EHMT1: variants seen among roughly 807,000 people sequenced by gnomAD.
EHMT1 encodes euchromatic histone lysine methyltransferase 1, also known as histone-lysine N-methyltransferase EHMT1.
EHMT1 carries 15 observed loss-of-function variants against 147.2 expected under a neutral mutation model. The observed-to-expected ratio is 0.10, with a 90% CI of 0.07 to 0.16. The LOEUF is 0.16. EHMT1 is among the 10% of genes least tolerant of loss of function. The pLI, the probability that EHMT1 is intolerant of heterozygous loss-of-function variation, is 1.00. For synonymous variants in EHMT1, 795 were observed against 709.6 expected (o/e 1.12, Z -1.91); for missense variants, 1,587 against 1,772.4 (o/e 0.90, Z 1.88).
At chr9:137,805,083 CAT>C (rs1436081414) in intron 18 of EHMT1, among the ~76,000 whole-genome samples, 4 of 151,588 alleles carry the variant, frequency 2.6e-5, no homozygotes, top group Non-Finnish European at 5.9e-5. Context: ...CAGTCGTCCA[CAT>C]GTGAGAGTCT....
intron 1 of EHMT1, among the ~76,000 whole-genome samples, chr9:137,681,143 T>C (rs562759360): frequency 6.6e-4 from 100 of 152,234 alleles, no homozygotes; most frequent in African/African-American, 2.3e-3. Flanking sequence ...TCCCAGCACA[T>C]TGGAAAGTTT....
chr9:137,753,598 T>C (rs1949146979), intron 7 of EHMT1, among the ~76,000 whole-genome samples: 1 of 152,212 alleles, frequency 6.6e-6, no homozygotes, highest in South Asian at 2.1e-4. Context: ...CCCCGCCCAC[T>C]GTGGCCTGCA....
rs139207303 is a variant in EHMT1, at chr9:137,796,760, C to T, written c.2506-2053C>T. Among the ~76,000 whole-genome samples, 248 of 139,438 alleles carry T rather than the reference C, an allele frequency of 1.8e-3. 2 individuals are homozygous for T. The highest frequency in any genetic ancestry group is 5.9e-3 in the African/African-American group (222 of 37,312). 91.5% of individuals were successfully genotyped at this position (139,438 alleles called of 152,430 possible). On this transcript the variant is annotated intron_variant, in intron 16 of 26. Coordinates refer to ENST00000460843, the MANE Select transcript of EHMT1 (RefSeq NM_024757.5). ...CAGAAAAATAGGCAAAGAACATAAA[C>T]GTGCAGTTCCCAGAAAAAGAAATAC...
chr9:137,625,841 T>C (rs1843217914), intron 1 of EHMT1, among the ~76,000 whole-genome samples: 1 of 151,646 alleles, frequency 6.6e-6, no homozygotes, highest in Non-Finnish European at 1.5e-5. Context: ...TATATATATA[T>C]TTTTTGTTTT....
chr9:137,772,306 A>G (rs1047729924), intron 10 of EHMT1, among the ~76,000 whole-genome samples: 1 of 152,198 alleles, frequency 6.6e-6, no homozygotes, highest in African/African-American at 2.4e-5. Context: ...ACATGGGGAT[A>G]CATTTTACGT....
Position 137,800,885 on chromosome 9 carries a change from C to T in EHMT1, c.2613C>T (p.Asp871=), listed in dbSNP as rs755544597. ...TTTGTCCTCTTCCCTGGCAGGATGA[C>T]GGAGGCTGGACACCCATGATCTGGG... is the stretch of plus-strand genomic sequence containing the variant. ...NGQMDVNCQD[D]GGWTPMIWAT... The change falls in exon 18 of 27, where the codon GAC becomes GAT. Residue 871 remains aspartate (D), a synonymous_variant. Transcript: ENST00000460843. The T allele has an allele frequency of 3.7e-5, 59 of 1,613,902 alleles. 1 individual carries two copies. Among genetic ancestry groups the T allele is most frequent in the Admixed American group, 3.2e-4 (19 of 59,988 alleles).
intron 10 of EHMT1, among the ~76,000 whole-genome samples, chr9:137,764,952 A>C (rs10867062): frequency 0.33 from 50,371 of 152,164 alleles, 8,626 homozygotes; most frequent in Admixed American, 0.43. Context: ...GTTAGATTCA[A>C]AGACTTGGTT....
rs868575387 is a variant in EHMT1, at chr9:137,706,517, C to T, written c.22-4450C>T. Among the ~76,000 whole-genome samples the T allele has an allele frequency of 6.6e-5, 10 of 152,340 alleles. No homozygotes were observed. The Middle Eastern group carries it at 0.01, about 155-fold the overall frequency. ...CTTATTTATTTTTGAGACGGAGTCT[C>T]GCTCTGTTGCCCAGGCTAGAGAGCA... On this transcript the variant is annotated intron_variant, in intron 1 of 26. Transcript: ENST00000460843.
intron 2 of EHMT1, among the ~76,000 whole-genome samples, chr9:137,713,461 C>T (rs1382338176): frequency 6.6e-6 from 1 of 151,060 alleles, no homozygotes; most frequent in Non-Finnish European, 1.5e-5. Flanking sequence ...TTAGTAGAGA[C>T]GGGGTTTCAC....
chr9:137,751,066 C>T (rs532128487), intron 6 of EHMT1, among the ~76,000 whole-genome samples: 18 of 152,218 alleles, frequency 1.2e-4, no homozygotes, highest in African/African-American at 3.6e-4. Flanking sequence ...TTTGCAGGGT[C>T]GGTTTTAGAG....
At chr9:137,704,281 G>T (rs1401098804) in intron 1 of EHMT1, among the ~76,000 whole-genome samples, 1 of 152,178 alleles carries the variant, frequency 6.6e-6, no homozygotes, top group Non-Finnish European at 1.5e-5. Context: ...CCTCAGCTCT[G>T]CAGCCTGTAG....
At chr9:137,793,663 C>T (rs570479693) in intron 16 of EHMT1, among the ~76,000 whole-genome samples, 222 of 152,330 alleles carry the variant, frequency 1.5e-3, no homozygotes, top group African/African-American at 5.1e-3. Context: ...CAGATGCCTG[C>T]GTCAGCACAT....
intron 18 of EHMT1, chr9:137,803,059 CG>C: frequency 6.5e-6 from 8 of 1,230,194 alleles, no homozygotes; most frequent in Non-Finnish European, 8.1e-6. Flanking sequence ...GCGGGGAAGG[CG>C]GCCCTAGTGT....
At chr9:137,801,038 C>T (rs1040780707) in intron 18 of EHMT1, 54 bp downstream of exon 18, 6 of 1,524,458 alleles carry the variant, frequency 3.9e-6, no homozygotes, top group African/African-American at 1.4e-5. Context: ...TGGGGACCTC[C>T]TCCCCCAGAA....
chr9:137,694,790 C>T (rs1054205124), intron 1 of EHMT1, among the ~76,000 whole-genome samples: 20 of 152,330 alleles, frequency 1.3e-4, no homozygotes, highest in East Asian at 7.7e-4. Context: ...GCCCTTGACC[C>T]GGCGAATCTC....
intron 16 of EHMT1, among the ~76,000 whole-genome samples, chr9:137,797,221 A>G (rs1420087296): frequency 6.6e-6 from 1 of 152,124 alleles, no homozygotes; most frequent in Non-Finnish European, 1.5e-5. Flanking sequence ...CAGACCTCAC[A>G]GCTAGCTGCT....
chr9:137,688,961 G>A (rs1942698156), intron 1 of EHMT1, among the ~76,000 whole-genome samples: 1 of 152,168 alleles, frequency 6.6e-6, no homozygotes, highest in South Asian at 2.1e-4. Flanking sequence ...TGATGGGAGT[G>A]GTGAGCTGCT....
At chr9:137,754,807 G>A (rs1949250808) in intron 8 of EHMT1, among the ~76,000 whole-genome samples, 1 of 152,196 alleles carries the variant, frequency 6.6e-6, no homozygotes, top group Non-Finnish European at 1.5e-5. Flanking sequence ...GTGAGCCACT[G>A]CGCCCGGCCC....
chr9:137,635,693 G>A (rs533656753), intron 1 of EHMT1, among the ~76,000 whole-genome samples: 36 of 150,976 alleles, frequency 2.4e-4, no homozygotes, highest in Non-Finnish European at 3.8e-4. Flanking sequence ...GGTGGCGGGC[G>A]CCTGTAGTTC....
Sources: allele counts gnomAD v4.1 joint callset (sites outside exome capture counted in the v4.1 genomes callset), GRCh38; gene constraint gnomAD v4.1.1; transcripts MANE v1.5; gene names NCBI Gene and HGNC (gene_info 2026-07-23, HGNC 2026-07-21).